Variants in NINL observed in about 807,000 individuals in gnomAD.
The protein encoded by NINL is ninein like, also known as ninein-like protein.
In NINL, 153 loss-of-function variants were observed where a neutral mutation model predicts 160.3. The observed-to-expected ratio is 0.95, with a 90% CI of 0.84 to 1.09. NINL has a LOEUF of 1.09. NINL is among the 50% of genes least tolerant of loss of function. The pLI is 0.00. For synonymous variants in NINL, 800 were observed against 734.8 expected, an observed-to-expected ratio of 1.09 and a Z score of -1.43; for missense variants, 1,829 against 1,764.0, an observed-to-expected ratio of 1.04 and a Z score of -0.66.
rs2063326014 is a variant in NINL at position 25,478,956 on chromosome 20, G to A, written c.2168C>T (p.Ala723Val). The change falls in exon 16 of 24, where the codon GCC (alanine) becomes GTC (valine). Residue 723 changes from alanine to valine, a missense_variant. Transcript: ENST00000278886. ...PCCTQALCGL[A>V]LRHHSHLQQI... is the part of the protein sequence containing the mutation. ...CTGCAGGTGGCTGTGATGCCGCAGG[G>A]CCAGGCCACACAGTGCCTGGGTGCA... 8 of 1,579,694 alleles carry A rather than the reference G, an allele frequency of 5.1e-6. No homozygotes were observed. The highest frequency in any genetic ancestry group is 3.3e-5 in the South Asian group (3 of 89,638).
chr20:25,543,308 G>A (rs1213489083), intron 1 of NINL, among the ~76,000 whole-genome samples: 1 of 152,154 alleles, frequency 6.6e-6, no homozygotes, highest in East Asian at 1.9e-4. Flanking sequence ...CCAGCACTTT[G>A]GGAGGCTAAG....
chr20:25,489,090 C>A (rs1208037869), intron 13 of NINL, 154 bp downstream of exon 13: 4 of 729,740 alleles, frequency 5.5e-6, no homozygotes, highest in Non-Finnish European at 9.6e-6. Context: ...GCCAGGGAAC[C>A]CTAAGTCTAG....
chr20:25,477,841 G>A (rs544088686), intron 16 of NINL, among the ~76,000 whole-genome samples: 153 of 152,276 alleles, frequency 1.0e-3, no homozygotes, highest in Non-Finnish European at 1.8e-3. Context: ...GGTCTGCAGG[G>A]ACTCTGACCC....
chr20:25,539,738 A>AGGGAGCCCACAGCGTCTG (rs2064629682), intron 1 of NINL, among the ~76,000 whole-genome samples: 1 of 152,220 alleles, frequency 6.6e-6, no homozygotes, highest in Non-Finnish European at 1.5e-5. Context: ...AACTCTCCCC[A>AGGGAGCCCACAGCGTCTG]GGGAGCCCAC....
At position 25,461,562 on chromosome 20, in the gene NINL, CA is replaced by C. The variant is rs1568836091; in HGVS notation, c.3655del (p.Trp1219GlyfsTer4). The C allele has an allele frequency of 4.4e-6, 7 of 1,604,758 alleles. No individual in the cohort carries two copies. The highest frequency in any genetic ancestry group is 5.1e-6 in the Non-Finnish European group (6 of 1,176,692). ...NQEHQSLQLP[W>X]SELTQTLEES... The stretch of plus-strand genomic sequence containing the variant: ...CTCAAGGGTCTGGGTCAGCTCTGAC[CA>C]TGGCAGCTGCAGGCTCTGATGTTCC... On this transcript the variant is annotated frameshift_variant, in exon 21 of 24. Transcript: ENST00000278886. LOFTEE classifies it high-confidence loss of function.
At chr20:25,461,382 G>A (rs762764632) in intron 21 of NINL, 140 bp downstream of exon 21, 12 of 574,442 alleles carry the variant, frequency 2.1e-5, no homozygotes, top group South Asian at 7.1e-5. Context: ...GTCCTGGCCC[G>A]GTAAGCACCT....
chr20:25,558,730 G>T (rs951888367), intron 1 of NINL, among the ~76,000 whole-genome samples: 1 of 152,208 alleles, frequency 6.6e-6, no homozygotes, highest in South Asian at 2.1e-4. Flanking sequence ...AGGGACAAGA[G>T]GTCCTTGTTC....
chr20:25,472,135 T>C (rs2063108513), intron 17 of NINL, among the ~76,000 whole-genome samples: 1 of 151,572 alleles, frequency 6.6e-6, no homozygotes, highest in South Asian at 2.1e-4. Context: ...TAAAAACTCA[T>C]GGGATGGTTT....
At chr20:25,508,617 A>G (rs1048910526) in intron 5 of NINL, among the ~76,000 whole-genome samples, 4 of 152,166 alleles carry the variant, frequency 2.6e-5, no homozygotes, top group African/African-American at 9.7e-5. Context: ...TGCCTCCTAC[A>G]AGGGGACACA....
At chr20:25,542,838 C>T (rs1257367693) in intron 1 of NINL, among the ~76,000 whole-genome samples, 2 of 146,972 alleles carry the variant, frequency 1.4e-5, no homozygotes, top group Non-Finnish European at 3.0e-5. Context: ...CGAGACCAAC[C>T]TGGTCAACAT....
Position 25,478,950 on chromosome 20 carries a change from C to T in NINL, c.2174G>A (p.Arg725Gln), listed in dbSNP as rs192531829. The change falls in exon 16 of 24, where the codon CGG becomes CAG. Residue 725 changes from arginine (R) to glutamine (Q), a missense_variant. Physicochemically the swap from Arg to Gln is conservative, Grantham distance 43 (BLOSUM62 1). Transcript: ENST00000278886. ...CTQALCGLAL[R>Q]HHSHLQQIRR... ...GATCTGCTGCAGGTGGCTGTGATGCCGCAGGGCCAGGCCACACAGTGCCTG... is the reference window on the plus strand; with the variant it reads ...GATCTGCTGCAGGTGGCTGTGATGCTGCAGGGCCAGGCCACACAGTGCCTG... 3.4e-5 allele frequency: 54 copies of T among 1,565,898 alleles called. No individual in the cohort carries two copies. The highest frequency in any genetic ancestry group is 1.1e-4 in the Admixed American group (6 of 54,970).
chr20:25,551,884 G>C (rs992850523), intron 1 of NINL, among the ~76,000 whole-genome samples: 3 of 152,190 alleles, frequency 2.0e-5, no homozygotes, highest in Admixed American at 6.5e-5. Flanking sequence ...GCAGATCCAA[G>C]GTTACAATTG....
At chr20:25,530,593 G>T (rs1385290685) in intron 1 of NINL, among the ~76,000 whole-genome samples, 1 of 152,048 alleles carries the variant, frequency 6.6e-6, no homozygotes, top group East Asian at 1.9e-4. Context: ...CTAAGCATCG[G>T]CCGGTTTGAG....
At position 25,488,832 on chromosome 20, in the gene NINL, C is replaced by A. The variant is rs578160196; in HGVS notation, c.1677+412G>T. On this transcript the variant is annotated intron_variant, in intron 13 of 23. Transcript: ENST00000278886. ...TACCATGGTAAATATTAAATTTAAT[C>A]CATATAACCTACATCAACAAAAGCT... Among the ~76,000 whole-genome samples the A allele has an allele frequency of 1.7e-4, 26 of 152,008 alleles. No individual in the cohort carries two copies. The Middle Eastern group carries it at 0.01, about 60-fold the overall frequency.
At chr20:25,489,104 T>C in intron 13 of NINL, 140 bp downstream of exon 13, 1 of 803,600 alleles carries the variant, frequency 1.2e-6, no homozygotes, top group Admixed American at 1.9e-5. Flanking sequence ...AGTCTAGGAG[T>C]GTGGCAAGGC....
chr20:25,500,773 A>C (rs2063851072), intron 8 of NINL, 67 bp downstream of exon 8: 1 of 1,552,208 alleles, frequency 6.4e-7, no homozygotes, highest in Non-Finnish European at 8.8e-7. Flanking sequence ...CGCTCCATCC[A>C]TCCTCCTCTG....
At chr20:25,572,319 ACTCC>A (rs1346700865) in intron 1 of NINL, among the ~76,000 whole-genome samples, 1 of 149,750 alleles carries the variant, frequency 6.7e-6, no homozygotes, top group Non-Finnish European at 1.5e-5. Flanking sequence ...TTTTCTTAAC[ACTCC>A]CTCCCTGGGA....
chr20:25,505,036 T>C lies in NINL; in HGVS notation c.560A>G (p.Gln187Arg). 1 of 1,609,808 alleles carries C rather than the reference T, an allele frequency of 6.2e-7. No individual in the cohort carries two copies. Among genetic ancestry groups the C allele is most frequent in the Non-Finnish European group, 8.5e-7 (1 of 1,177,584 alleles). Residue 187 changes from glutamine to arginine, a missense_variant, in exon 6 of 24, where the codon CAG (glutamine) becomes CGG (arginine). Transcript: ENST00000278886. ...GTCAAAGGAGGGGCTGCAGGACTTC[T>C]GGGGGCTCCCAAAGTCCTCAGAATC... ...TWDSEDFGSP[Q>R]KSCSPSFDTP...
intron 19 of NINL, among the ~76,000 whole-genome samples, chr20:25,465,099 T>C (rs1218139935): frequency 6.6e-6 from 1 of 152,242 alleles, no homozygotes; most frequent in Non-Finnish European, 1.5e-5. Flanking sequence ...ATATGTTCAC[T>C]CTGCATCTGC....
Sources: allele counts gnomAD v4.1 joint callset (sites outside exome capture counted in the v4.1 genomes callset), GRCh38; gene constraint gnomAD v4.1.1; transcripts MANE v1.5; gene names NCBI Gene and HGNC (gene_info 2026-07-23, HGNC 2026-07-21).